The following LRRC7 variants were observed in gnomAD, a reference collection of about 807,000 sequenced individuals.
LRRC7 encodes the protein leucine rich repeat containing 7.
In LRRC7, 23 loss-of-function variants were observed where a neutral mutation model predicts 175.7. That is an observed-to-expected ratio of 0.13 (90% CI 0.09 to 0.19). LRRC7 has a LOEUF of 0.19. Ranked by LOEUF, LRRC7 falls within the 10% of genes least tolerant of loss-of-function variation. The pLI, the probability that LRRC7 is intolerant of heterozygous loss-of-function variation, is 1.00. For missense variants in LRRC7, 1,354 were observed against 1,904.7 expected (o/e 0.71, Z 5.38); for synonymous variants, 685 against 680.9 (o/e 1.01, Z -0.09).
chr1:69,619,863 C>G (rs1557495482), intron 1 of LRRC7, among the ~76,000 whole-genome samples: 1 of 152,008 alleles, frequency 6.6e-6, no homozygotes, highest in Non-Finnish European at 1.5e-5. Flanking sequence ...TTCCAAATGA[C>G]CAATGAATGA....
chr1:69,694,412 T>G (rs777825258), intron 2 of LRRC7, among the ~76,000 whole-genome samples: 17 of 152,210 alleles, frequency 1.1e-4, no homozygotes, highest in Admixed American at 6.5e-5. Flanking sequence ...TTTAAAAGGC[T>G]GATTTTCCCT....
chr1:70,013,153 T>G (rs1656664164), intron 13 of LRRC7, 64 bp downstream of exon 13: 3 of 970,674 alleles, frequency 3.1e-6, no homozygotes, highest in Non-Finnish European at 4.6e-6. Context: ...ATAGTTTTTT[T>G]GCCTATAGTT....
chr1:69,680,911 A>T (rs949492197), intron 2 of LRRC7, among the ~76,000 whole-genome samples: 1 of 152,080 alleles, frequency 6.6e-6, no homozygotes, highest in Non-Finnish European at 1.5e-5. Flanking sequence ...GTTGGTACAA[A>T]ACCTAGGATG....
At chr1:69,974,854 C>T (rs1161808686) in intron 8 of LRRC7, among the ~76,000 whole-genome samples, 1 of 152,246 alleles carries the variant, frequency 6.6e-6, no homozygotes, top group Non-Finnish European at 1.5e-5. Flanking sequence ...TGATCACCAA[C>T]TCTCTTCATT....
intron 23 of LRRC7, among the ~76,000 whole-genome samples, chr1:70,065,252 T>C (rs915140719): frequency 1.3e-5 from 2 of 152,010 alleles, no homozygotes; most frequent in African/African-American, 4.8e-5. Flanking sequence ...ATCTTGTCTT[T>C]TGTTTCCTTT....
In LRRC7 at chr1:69,778,987, C is replaced by CAT. The variant is rs1474997096; in HGVS notation, c.304-13048_304-13047dup. Among the ~76,000 whole-genome samples, 7 of 149,758 alleles carry CAT rather than the reference C, an allele frequency of 4.7e-5. No individual in the cohort carries two copies. The East Asian group carries it at 1.2e-3, about 26-fold the overall frequency. ...ATATATATATATATACACACACACT[C>CAT]ATATATATACACATATATACACACA... is the stretch of plus-strand genomic sequence containing the variant. On this transcript the variant is annotated intron_variant, in intron 3 of 26. Transcript: ENST00000651989.
chr1:69,821,212 CCTT>C (rs1679255229), intron 4 of LRRC7, among the ~76,000 whole-genome samples: 1 of 151,976 alleles, frequency 6.6e-6, no homozygotes, highest in African/African-American at 2.4e-5. Context: ...TTTCTATAAT[CCTT>C]ATTTTATTTC....
intron 4 of LRRC7, among the ~76,000 whole-genome samples, chr1:69,794,993 A>G (rs929317605): frequency 2.0e-5 from 3 of 152,220 alleles, no homozygotes; most frequent in Admixed American, 6.5e-5. Context: ...GTATAGTACT[A>G]TAGGCTTGAT....
rs577596185 is a variant in LRRC7 at position 69,927,822 on chromosome 1, G to A, written c.648-3685G>A. 2.0e-5 allele frequency among the ~76,000 whole-genome samples: 3 copies of A among 152,146 alleles called. No homozygotes were observed. The East Asian group carries it at 5.8e-4, about 29-fold the overall frequency. On this transcript the variant is annotated intron_variant, in intron 7 of 26. Coordinates refer to ENST00000651989, the MANE Select transcript of LRRC7 (RefSeq NM_001370785.2). ...TTCTCTCAACTCATCAAAGTCATACGCCGTCCAGCTTTGTTCCATTGCTGG... is the reference window on the plus strand; with the variant it reads ...TTCTCTCAACTCATCAAAGTCATACACCGTCCAGCTTTGTTCCATTGCTGG...
intron 23 of LRRC7, among the ~76,000 whole-genome samples, chr1:70,056,105 G>A (rs1661129705): frequency 2.0e-5 from 3 of 152,178 alleles, no homozygotes; most frequent in African/African-American, 7.2e-5. Context: ...AGGCATCCGA[G>A]TGGAAATGTG....
chr1:69,943,068 G>A (rs902854237), intron 8 of LRRC7, among the ~76,000 whole-genome samples: 1 of 152,072 alleles, frequency 6.6e-6, no homozygotes, highest in Non-Finnish European at 1.5e-5. Context: ...GTGGCCCAGG[G>A]AAGCCAGAAG....
intron 2 of LRRC7, among the ~76,000 whole-genome samples, chr1:69,730,934 G>A (rs1370474045): frequency 6.6e-6 from 1 of 152,058 alleles, no homozygotes; most frequent in Non-Finnish European, 1.5e-5. Context: ...AACAGAAGGG[G>A]AATCAAGAAT....
intron 4 of LRRC7, among the ~76,000 whole-genome samples, chr1:69,805,126 A>G (rs539026449): frequency 1.3e-5 from 2 of 151,894 alleles, no homozygotes; most frequent in South Asian, 4.1e-4. Context: ...CATTATTGTT[A>G]GTTATCATGA....
intron 1 of LRRC7, among the ~76,000 whole-genome samples, chr1:69,646,939 T>C (rs548263404): frequency 6.6e-6 from 1 of 152,060 alleles, no homozygotes; most frequent in Non-Finnish European, 1.5e-5. Context: ...AGCCAGAAGT[T>C]GGGTCCAGCA....
At chr1:70,084,339 G>A (rs1409068636) in intron 24 of LRRC7, among the ~76,000 whole-genome samples, 1 of 152,096 alleles carries the variant, frequency 6.6e-6, no homozygotes, top group South Asian at 2.1e-4. Context: ...TCCAGCCCTA[G>A]ACAACCACTC....
chr1:69,600,041 C>T (rs745814194), intron 1 of LRRC7, among the ~76,000 whole-genome samples: 1 of 152,094 alleles, frequency 6.6e-6, no homozygotes, highest in Non-Finnish European at 1.5e-5. Context: ...CACCTCTAGG[C>T]TTTACCTTAC....
chr1:69,621,345 C>T (rs1221215423), intron 1 of LRRC7, among the ~76,000 whole-genome samples: 1 of 152,142 alleles, frequency 6.6e-6, no homozygotes, highest in Non-Finnish European at 1.5e-5. Context: ...CGCACCCAGC[C>T]TCTTGTATTT....
At chr1:69,672,186 G>T (rs1659176755) in intron 1 of LRRC7, among the ~76,000 whole-genome samples, 1 of 151,974 alleles carries the variant, frequency 6.6e-6, no homozygotes, top group African/African-American at 2.4e-5. Context: ...TCCTATCAGG[G>T]TGGGGTGGTG....
At position 69,979,336 on chromosome 1, in the gene LRRC7, G is replaced by A. The variant is rs114175573; in HGVS notation, c.712-1043G>A. ...ATTTCTGGAGAAAAATTAGGCTACC[G>A]CTAGGAAGGTTTTGATGTTGGCAGC... On this transcript the variant is annotated intron_variant, in intron 8 of 26. Transcript: ENST00000651989. Among the ~76,000 whole-genome samples the A allele has an allele frequency of 3.6e-3, 551 of 152,322 alleles. 3 individuals carry two copies. Among genetic ancestry groups the A allele is most frequent in the African/African-American group, 0.012 (518 of 41,572 alleles).
Sources: allele counts gnomAD v4.1 joint callset (sites outside exome capture counted in the v4.1 genomes callset), GRCh38; gene constraint gnomAD v4.1.1; transcripts MANE v1.5; gene names NCBI Gene and HGNC (gene_info 2026-07-23, HGNC 2026-07-21).